RANBP2: variants seen among roughly 807,000 people sequenced by gnomAD.
The protein encoded by RANBP2 is E3 SUMO-protein ligase RanBP2.
RANBP2 carries 57 observed loss-of-function variants against 303.6 expected under a neutral mutation model. The observed-to-expected ratio is 0.19, with a 90% CI of 0.15 to 0.23. The LOEUF is 0.23. RANBP2 is among the 10% of genes least tolerant of loss of function. The pLI is 1.00. For synonymous variants in RANBP2, 1,167 were observed against 1,301.5 expected, an observed-to-expected ratio of 0.90 and a Z score of 2.23; for missense variants, 3,138 against 3,780.8, an observed-to-expected ratio of 0.83 and a Z score of 4.46.
At chr2:109,129,617 G>C in the RANBP2 span, 1 of 1,490,264 alleles carries the variant, frequency 6.7e-7, no homozygotes, top group East Asian at 2.7e-5. Context: ...GACGAGGACA[G>C]GCCAGGCGAG....
chr2:109,279,938 G>A, the RANBP2 span, among the ~76,000 whole-genome samples: 1 of 152,022 alleles, frequency 6.6e-6, no homozygotes, highest in Non-Finnish European at 1.5e-5. Context: ...GGTAAGAGGT[G>A]GAGGGTGAGG....
the RANBP2 span, among the ~76,000 whole-genome samples, chr2:109,092,829 C>T: frequency 6.6e-6 from 1 of 152,164 alleles, no homozygotes; most frequent in South Asian, 2.1e-4. Flanking sequence ...AGCAAATCTG[C>T]TGTACTTTGT....
chr2:109,103,851 T>C, the RANBP2 span, among the ~76,000 whole-genome samples: 4 of 151,660 alleles, frequency 2.6e-5, no homozygotes, highest in Non-Finnish European at 5.9e-5. Context: ...TGGAGTGCAG[T>C]GGCGCAATCT....
chr2:109,540,952 T>TA, the RANBP2 span, among the ~76,000 whole-genome samples: 3 of 152,228 alleles, frequency 2.0e-5, no homozygotes, highest in Non-Finnish European at 2.9e-5. Flanking sequence ...GAAACTTATC[T>TA]AAAAAAATTG....
At position 108,719,819 on chromosome 2, in the gene RANBP2, C is replaced by T. The variant is rs1694070412; in HGVS notation, c.72+141C>T. The T allele has an allele frequency of 1.9e-5, 28 of 1,447,434 alleles. 1 individual carries two copies. The South Asian group carries it at 3.4e-4, about 18-fold the overall frequency. 89.7% of individuals were successfully genotyped at this position (1,447,434 alleles called of 1,614,324 possible). On this transcript the variant is annotated intron_variant, in intron 1 of 28. Coordinates refer to ENST00000283195, the MANE Select transcript of RANBP2 (RefSeq NM_006267.5). The stretch of plus-strand genomic sequence containing the variant: ...CGGCCGGCTGGCGCAGTCCTGTGGG[C>T]GGCGTGGCGCTTGCAAGCGCATGAA...
chr2:109,230,811 C>T, the RANBP2 span, among the ~76,000 whole-genome samples: 1 of 152,146 alleles, frequency 6.6e-6, no homozygotes, highest in Non-Finnish European at 1.5e-5. Context: ...GTGTTTGTTT[C>T]TAGAGAAGAT....
the RANBP2 span, chr2:109,129,155 G>A: frequency 4.9e-6 from 2 of 408,398 alleles, no homozygotes; most frequent in Non-Finnish European, 9.4e-6. Flanking sequence ...GCCGGCCGCT[G>A]CCCGCACTTC....
the RANBP2 span, among the ~76,000 whole-genome samples, chr2:109,569,846 C>T: frequency 6.8e-6 from 1 of 146,810 alleles, no homozygotes; most frequent in African/African-American, 2.7e-5. Flanking sequence ...TCACCAATGG[C>T]GTAAGAGAAG....
At chr2:108,798,618 A>G in the RANBP2 span, 2 of 1,499,874 alleles carry the variant, frequency 1.3e-6, no homozygotes, top group Non-Finnish European at 9.1e-7. Context: ...TTAGAGTGGT[A>G]TATTTCTTCT....
the RANBP2 span, among the ~76,000 whole-genome samples, chr2:109,004,526 G>C: frequency 6.6e-6 from 1 of 152,214 alleles, no homozygotes; most frequent in Admixed American, 6.5e-5. Context: ...CGCTGCCAGA[G>C]TCCAACCATT....
chr2:109,311,929 G>A, the RANBP2 span, among the ~76,000 whole-genome samples: 1 of 152,128 alleles, frequency 6.6e-6, no homozygotes, highest in Non-Finnish European at 1.5e-5. Context: ...TGGATGAGAT[G>A]GAGTCACAGA....
At chr2:109,530,947 G>C in the RANBP2 span, among the ~76,000 whole-genome samples, 1 of 152,138 alleles carries the variant, frequency 6.6e-6, no homozygotes, top group Admixed American at 6.5e-5. Context: ...GGAGCTTCTC[G>C]GGAAATGAAA....
the RANBP2 span, among the ~76,000 whole-genome samples, chr2:109,455,787 C>T: frequency 1.3e-5 from 2 of 152,232 alleles, no homozygotes; most frequent in Non-Finnish European, 1.5e-5. Context: ...GCGCTCATCC[C>T]AGCTTCTCCA....
chr2:109,084,995 G>C, the RANBP2 span, among the ~76,000 whole-genome samples: 1 of 152,116 alleles, frequency 6.6e-6, no homozygotes, highest in Admixed American at 6.6e-5. Flanking sequence ...GTGAACCTTG[G>C]GCAATGACAG....
At chr2:109,063,290 C>T in the RANBP2 span, among the ~76,000 whole-genome samples, 5 of 152,296 alleles carry the variant, frequency 3.3e-5, no homozygotes, top group African/African-American at 1.2e-4. Context: ...CTTCAAATTA[C>T]GGTGGAACCT....
At chr2:109,683,279 T>A in the RANBP2 span, among the ~76,000 whole-genome samples, 4 of 152,202 alleles carry the variant, frequency 2.6e-5, no homozygotes, top group Non-Finnish European at 5.9e-5. Flanking sequence ...GTGCTCGGAT[T>A]ATAAGCGTGA....
chr2:109,728,170 C>A, the RANBP2 span, among the ~76,000 whole-genome samples: 5 of 152,158 alleles, frequency 3.3e-5, no homozygotes, highest in African/African-American at 1.2e-4. Flanking sequence ...GTCACACAAC[C>A]TCTGCCTTGC....
chr2:109,398,822 A>C, the RANBP2 span: 1 of 1,613,886 alleles, frequency 6.2e-7, no homozygotes, highest in Admixed American at 1.7e-5. Context: ...AGATCCTCCC[A>C]GGCTGCCAGC....
At chr2:109,541,808 G>A in the RANBP2 span, among the ~76,000 whole-genome samples, 3 of 152,210 alleles carry the variant, frequency 2.0e-5, no homozygotes, top group African/African-American at 7.2e-5. Flanking sequence ...ACCCTTTTGA[G>A]AGTGCCCTGC....
Sources: gnomAD v4.1 joint callset for allele counts (sites outside exome capture counted in the v4.1 genomes callset) on GRCh38, gnomAD v4.1.1 for gene constraint, MANE v1.5 for transcripts, NCBI Gene and HGNC (gene_info 2026-07-23, HGNC 2026-07-21) for gene names.